PAPPA2: variants seen among roughly 807,000 people sequenced by gnomAD.
PAPPA2 encodes the protein pappalysin-2.
In PAPPA2, 86 loss-of-function variants were observed where a neutral mutation model predicts 176.4. The observed-to-expected ratio is 0.49, with a 90% CI of 0.41 to 0.58. The LOEUF (loss-of-function observed/expected upper bound fraction) is 0.58. PAPPA2 is among the 20% of genes least tolerant of loss of function. The probability of loss-of-function intolerance (pLI) is 0.00; values close to 1 mark genes in which losing one functional copy is unlikely to be tolerated. For missense variants in PAPPA2, 2,073 were observed against 2,256.9 expected, an observed-to-expected ratio of 0.92 and a Z score of 1.65; for synonymous variants, 809 against 852.2, an observed-to-expected ratio of 0.95 and a Z score of 0.88.
At chr1:176,585,339 A>AT (rs1003691911) in intron 2 of PAPPA2, among the ~76,000 whole-genome samples, 4 of 150,990 alleles carry the variant, frequency 2.6e-5, no homozygotes, top group East Asian at 1.9e-4. Context: ...TGGCCTATAC[A>AT]TTTTTTGCTG....
chr1:176,645,806 A>T (rs1289423300), intron 3 of PAPPA2, among the ~76,000 whole-genome samples: 1 of 151,562 alleles, frequency 6.6e-6, no homozygotes, highest in Non-Finnish European at 1.5e-5. Context: ...ATATTATCTC[A>T]TGTGGTTTTG....
At chr1:176,538,260 T>C (rs777950788) in intron 1 of PAPPA2, among the ~76,000 whole-genome samples, 25 of 152,224 alleles carry the variant, frequency 1.6e-4, no homozygotes, top group Non-Finnish European at 2.9e-4. Context: ...ACCATCACTC[T>C]TCACATGTCT....
chr1:176,510,010 G>T (rs970008519), intron 1 of PAPPA2, among the ~76,000 whole-genome samples: 1 of 151,972 alleles, frequency 6.6e-6, no homozygotes, highest in Non-Finnish European at 1.5e-5. Flanking sequence ...CTCCAGCCTG[G>T]GTGACAGAGT....
chr1:176,617,853 G>T (rs1411171379), intron 3 of PAPPA2, among the ~76,000 whole-genome samples: 2 of 152,148 alleles, frequency 1.3e-5, no homozygotes, highest in African/African-American at 4.8e-5. Flanking sequence ...AAACTGTGGT[G>T]CATGGAGAAG....
intron 3 of PAPPA2, among the ~76,000 whole-genome samples, chr1:176,625,661 A>G (rs947447504): frequency 1.3e-5 from 2 of 152,218 alleles, no homozygotes; most frequent in Non-Finnish European, 2.9e-5. Context: ...ATAGTACATC[A>G]AATTTATTTC....
chr1:176,574,516 T>TG (rs1225290127), intron 2 of PAPPA2, among the ~76,000 whole-genome samples: 2 of 152,154 alleles, frequency 1.3e-5, no homozygotes, highest in Non-Finnish European at 2.9e-5. Flanking sequence ...AATTTTCAAT[T>TG]GACTGCTGGG....
intron 17 of PAPPA2, among the ~76,000 whole-genome samples, chr1:176,773,925 G>A (rs372296544): frequency 5.9e-5 from 9 of 152,184 alleles, no homozygotes; most frequent in East Asian, 3.9e-4. Flanking sequence ...GGGATGGCAC[G>A]GATGGCATAT....
intron 16 of PAPPA2, among the ~76,000 whole-genome samples, chr1:176,770,388 ATATGG>A (rs1461517138): frequency 6.6e-6 from 1 of 152,232 alleles, no homozygotes; most frequent in Non-Finnish European, 1.5e-5. Flanking sequence ...GTACTAAGGC[ATATGG>A]TATAGTGTTT....
intron 1 of PAPPA2, among the ~76,000 whole-genome samples, chr1:176,486,155 C>A (rs1267602369): frequency 2.0e-5 from 3 of 152,228 alleles, no homozygotes; most frequent in African/African-American, 7.2e-5. Context: ...TTATGCCCTG[C>A]TTTTAGGCAG....
chr1:176,788,875 G>A (rs1477203029), intron 17 of PAPPA2, among the ~76,000 whole-genome samples: 1 of 152,182 alleles, frequency 6.6e-6, no homozygotes, highest in Non-Finnish European at 1.5e-5. Context: ...CAGAATCTCT[G>A]TTTTAAAAGA....
chr1:176,659,135 G>A (rs571464154), intron 3 of PAPPA2, among the ~76,000 whole-genome samples: 5 of 151,982 alleles, frequency 3.3e-5, no homozygotes, highest in Non-Finnish European at 5.9e-5. Flanking sequence ...ATATCAATGA[G>A]ATATATGACC....
intron 2 of PAPPA2, among the ~76,000 whole-genome samples, chr1:176,566,345 A>C (rs1004091767): frequency 6.6e-6 from 1 of 152,118 alleles, no homozygotes. Flanking sequence ...TGATTATCCT[A>C]TTCACCACAC....
At chr1:176,773,322 A>T (rs1664318657) in intron 17 of PAPPA2, among the ~76,000 whole-genome samples, 1 of 152,154 alleles carries the variant, frequency 6.6e-6, no homozygotes, top group African/African-American at 2.4e-5. Context: ...GCTCATGTTT[A>T]CTCAGTGAAC....
At chr1:176,755,923 A>G (rs959222745) in intron 14 of PAPPA2, among the ~76,000 whole-genome samples, 1 of 152,212 alleles carries the variant, frequency 6.6e-6, no homozygotes, top group African/African-American at 2.4e-5. Context: ...AAAAAATGTT[A>G]TTAGGAAAAT....
At chr1:176,763,870 G>A (rs1571291051) in intron 14 of PAPPA2, among the ~76,000 whole-genome samples, 1 of 152,284 alleles carries the variant, frequency 6.6e-6, no homozygotes, top group East Asian at 1.9e-4. Flanking sequence ...AGCTCAATTT[G>A]TGTTGCTATA....
At chr1:176,600,442 C>T (rs1330404230) in intron 3 of PAPPA2, among the ~76,000 whole-genome samples, 3 of 151,650 alleles carry the variant, frequency 2.0e-5, no homozygotes, top group Admixed American at 1.3e-4. Flanking sequence ...TTTGGGAGGC[C>T]GAGGCGGGCG....
intron 1 of PAPPA2, among the ~76,000 whole-genome samples, chr1:176,489,556 G>C (rs1281187569): frequency 6.6e-6 from 1 of 152,160 alleles, no homozygotes; most frequent in Admixed American, 6.6e-5. Context: ...CCATATGTTG[G>C]AGTCCTATGG....
At chr1:176,545,604 G>A (rs935971886) in intron 1 of PAPPA2, among the ~76,000 whole-genome samples, 3 of 152,142 alleles carry the variant, frequency 2.0e-5, no homozygotes, top group African/African-American at 7.2e-5. Context: ...CTGGGAGGAT[G>A]TGTGTAGGTT....
At chr1:176,482,033 G>A (rs1007151887) in intron 1 of PAPPA2, among the ~76,000 whole-genome samples, 1 of 152,254 alleles carries the variant, frequency 6.6e-6, no homozygotes, top group East Asian at 1.9e-4. Flanking sequence ...CATTTAAAAG[G>A]TTCTATCTGT....
Sources: gnomAD v4.1 joint callset for allele counts (sites outside exome capture counted in the v4.1 genomes callset) on GRCh38, gnomAD v4.1.1 for gene constraint, MANE v1.5 for transcripts, NCBI Gene and HGNC (gene_info 2026-07-23, HGNC 2026-07-21) for gene names.